MAPT: variants seen among roughly 807,000 people sequenced by gnomAD.
MAPT encodes the protein microtubule associated protein tau.
MAPT carries 34 observed loss-of-function variants against 67.9 expected under a neutral mutation model. The ratio of observed to expected loss-of-function variants is 0.50; its 90% confidence interval spans 0.38 to 0.67. MAPT has a LOEUF of 0.67. Among genes scored for constraint, MAPT ranks in the 30% least tolerant of loss-of-function variants. The pLI is 0.00. For synonymous variants in MAPT, 456 were observed against 464.5 expected (o/e 0.98, Z 0.23); for missense variants, 881 against 1,115.2 (o/e 0.79, Z 2.99).
intron 1 of MAPT, among the ~76,000 whole-genome samples, chr17:45,959,574 G>A (rs1416999146): frequency 6.6e-6 from 1 of 152,124 alleles, no homozygotes; most frequent in Non-Finnish European, 1.5e-5. Flanking sequence ...TTGGGAGGCC[G>A]AGGCAGGCAG....
intron 1 of MAPT, among the ~76,000 whole-genome samples, chr17:45,962,075 G>A (rs770184832): frequency 2.3e-4 from 35 of 152,108 alleles, no homozygotes; most frequent in Non-Finnish European, 4.6e-4. Context: ...ATGCCTGGCC[G>A]TCACCTGGTG....
intron 1 of MAPT, among the ~76,000 whole-genome samples, chr17:45,951,157 A>T (rs374804687): frequency 1.7e-4 from 26 of 152,334 alleles, no homozygotes; most frequent in East Asian, 5.8e-4. Flanking sequence ...CAGAAGAGAT[A>T]CATCCATGGT....
intron 1 of MAPT, among the ~76,000 whole-genome samples, chr17:45,909,239 C>G (rs537012897): frequency 1.3e-4 from 20 of 151,956 alleles, no homozygotes; most frequent in African/African-American, 4.8e-4. Context: ...CTGGGCTGCC[C>G]AATGGCAACA....
intron 1 of MAPT, among the ~76,000 whole-genome samples, chr17:45,947,925 G>T (rs2145057703): frequency 1.3e-5 from 2 of 152,220 alleles, no homozygotes; most frequent in Admixed American, 1.3e-4. Context: ...CGAAAAAAAT[G>T]GATCCCACCC....
At chr17:46,016,120 G>A (rs1346638082) in intron 11 of MAPT, among the ~76,000 whole-genome samples, 2 of 152,206 alleles carry the variant, frequency 1.3e-5, no homozygotes, top group Non-Finnish European at 2.9e-5. Flanking sequence ...GGCCGGCTGT[G>A]GTGGCCCACA....
chr17:45,991,807 A>G (rs1281464570), intron 8 of MAPT, among the ~76,000 whole-genome samples: 2 of 149,658 alleles, frequency 1.3e-5, no homozygotes, highest in Non-Finnish European at 3.0e-5. Context: ...CTTTTGAGAC[A>G]GAGTTTCGCT....
At position 45,983,758 on chromosome 17, in the gene MAPT, G is replaced by A. The variant is rs139144750; in HGVS notation, c.1179G>A (p.Ser393=). Residue 393 remains serine, a synonymous_variant, in exon 5 of 13, where the codon TCG becomes TCA. Coordinates refer to ENST00000262410, the MANE Select transcript of MAPT (RefSeq NM_001377265.1). ...TPNVQKEQAH[S]EEHLGRAAFP... is the part of the protein sequence containing the mutation. ...ACGTGCAGAAGGAGCAGGCGCACTC[G>A]GAGGAGCATTTGGGAAGGGCTGCAT... is the stretch of plus-strand genomic sequence containing the variant. 1.1e-5 allele frequency: 17 copies of A among 1,613,990 alleles called. No individual in the cohort carries two copies. The highest frequency in any genetic ancestry group is 4.5e-5 in the East Asian group (2 of 44,878).
chr17:45,903,997 TTATATATTA>T (rs2063923912), intron 1 of MAPT, among the ~76,000 whole-genome samples: 3 of 11,612 alleles, frequency 2.6e-4, no homozygotes, highest in Admixed American at 1.5e-3. Context: ...TTTATATATA[TTATATATTA>T]TATATATTAT....
At chr17:45,937,089 G>A (rs1335465132) in intron 1 of MAPT, among the ~76,000 whole-genome samples, 1 of 152,190 alleles carries the variant, frequency 6.6e-6, no homozygotes, top group Non-Finnish European at 1.5e-5. Context: ...TCTTCAGTGT[G>A]GCGCACATTT....
chr17:45,999,337 AG>A (rs994785932), intron 9 of MAPT: 7 of 1,613,868 alleles, frequency 4.3e-6, no homozygotes, highest in Non-Finnish European at 5.9e-6. Context: ...AAGACTGTGC[AG>A]GTGGCCGGCC....
intron 1 of MAPT, among the ~76,000 whole-genome samples, chr17:45,926,832 G>A (rs1272567693): frequency 6.6e-6 from 1 of 151,416 alleles, no homozygotes; most frequent in Non-Finnish European, 1.5e-5. Context: ...TCTTAAGGGT[G>A]CAGTATCATG....
chr17:46,013,233 CCCACACAAGG>C (rs1455076376), intron 10 of MAPT, among the ~76,000 whole-genome samples: 7 of 152,084 alleles, frequency 4.6e-5, no homozygotes, highest in Non-Finnish European at 8.8e-5. Context: ...CTCAGGTGAC[CCCACACAAGG>C]CCACTGCTGG....
Position 45,915,112 on chromosome 17 carries a change from G to T in MAPT, c.-18+20426G>T, listed in dbSNP as rs1219889100. On this transcript the variant is annotated intron_variant, in intron 1 of 12. Coordinates refer to ENST00000262410, the MANE Select transcript of MAPT (RefSeq NM_001377265.1). This position sits in a 1 kb window ranked among gnomAD's most constrained non-coding sequence, Gnocchi z 4.4. ...TCCGGAAGAAGGGTTCTTTTAAAAG[G>T]CTCCTCAAGTGATGCTGGCAGGCAT... is the stretch of plus-strand genomic sequence containing the variant. Among the ~76,000 whole-genome samples the T allele has an allele frequency of 6.6e-6, 1 of 152,136 alleles. No homozygotes were observed. The highest frequency in any genetic ancestry group is 1.5e-5 in the Non-Finnish European group (1 of 68,034).
chr17:45,937,053 C>T (rs1392381290), intron 1 of MAPT, among the ~76,000 whole-genome samples: 1 of 152,138 alleles, frequency 6.6e-6, no homozygotes, highest in African/African-American at 2.4e-5. Flanking sequence ...AATATGTATG[C>T]GATATGAGAG....
chr17:46,023,649 G>A (rs2076666761), intron 12 of MAPT, among the ~76,000 whole-genome samples: 1 of 152,180 alleles, frequency 6.6e-6, no homozygotes, highest in Non-Finnish European at 1.5e-5. Flanking sequence ...AGACCAGCCT[G>A]GGCAACATAG....
At chr17:45,929,056 C>A (rs1202758535) in intron 1 of MAPT, among the ~76,000 whole-genome samples, 1 of 151,954 alleles carries the variant, frequency 6.6e-6, no homozygotes, top group African/African-American at 2.4e-5. Context: ...GCTTGAGAAC[C>A]ACTGATCTGC....
At chr17:45,981,396 T>A (rs960987930) in intron 4 of MAPT, among the ~76,000 whole-genome samples, 2 of 152,176 alleles carry the variant, frequency 1.3e-5, no homozygotes, top group African/African-American at 4.8e-5. Flanking sequence ...GAATGTCACG[T>A]GAATGAACCA....
rs1215302681 is a variant in MAPT, at chr17:45,921,723, G to C, written c.-18+27037G>C. Reference sequence around the variant, plus strand: ...ACTAAATTAGAAGTTTTTGAATATTGTAACATGTTCGTAGGCTGTTTGTCT... The same window carrying C: ...ACTAAATTAGAAGTTTTTGAATATTCTAACATGTTCGTAGGCTGTTTGTCT... On this transcript the variant is annotated intron_variant, in intron 1 of 12. Coordinates refer to ENST00000262410, the MANE Select transcript of MAPT (RefSeq NM_001377265.1). Among the ~76,000 whole-genome samples, 3 of 152,146 alleles carry C rather than the reference G, an allele frequency of 2.0e-5. No homozygotes were observed. The East Asian group carries it at 5.8e-4, about 29-fold the overall frequency.
intron 2 of MAPT, among the ~76,000 whole-genome samples, chr17:45,965,719 T>A (rs1469435958): frequency 9.3e-6 from 1 of 107,716 alleles, no homozygotes; most frequent in Non-Finnish European, 1.9e-5. Context: ...CCCAGTCAAC[T>A]CCTTCTCAAA....
Sources: allele counts gnomAD v4.1 joint callset (sites outside exome capture counted in the v4.1 genomes callset), GRCh38; gene constraint gnomAD v4.1.1; non-coding constraint Gnocchi (gnomAD v3.1); transcripts MANE v1.5; gene names NCBI Gene and HGNC (gene_info 2026-07-23, HGNC 2026-07-21).